SKAP1: variants seen among roughly 807,000 people sequenced by gnomAD.
SKAP1 encodes the protein src kinase-associated phosphoprotein 1.
Under a neutral mutation model 58.5 loss-of-function variants are expected in SKAP1, and 44 were observed. That is an observed-to-expected ratio of 0.75 (90% CI 0.59 to 0.97). The LOEUF is 0.97. Ranked by LOEUF, SKAP1 falls within the 50% of genes least tolerant of loss-of-function variation. The pLI is 0.00. For missense variants in SKAP1, 390 were observed against 435.2 expected (o/e 0.90, Z 0.92); for synonymous variants, 127 against 149.7 (o/e 0.85, Z 1.11).
At chr17:48,364,599 C>A (rs929704799) in intron 2 of SKAP1, among the ~76,000 whole-genome samples, 5 of 152,114 alleles carry the variant, frequency 3.3e-5, no homozygotes, top group African/African-American at 1.2e-4. Context: ...CGCTTGAACC[C>A]AGGAGGCGGA....
At chr17:48,212,614 G>T (rs745422208) in intron 4 of SKAP1, among the ~76,000 whole-genome samples, 1 of 152,186 alleles carries the variant, frequency 6.6e-6, no homozygotes, top group African/African-American at 2.4e-5. Context: ...AAGTGCTTGA[G>T]GGTTACAGAT....
chr17:48,249,504 C>A (rs1194042460), intron 4 of SKAP1, among the ~76,000 whole-genome samples: 1 of 152,086 alleles, frequency 6.6e-6, no homozygotes, highest in Admixed American at 6.6e-5. Context: ...GAAACCCTGT[C>A]TCTACCAAAA....
At chr17:48,228,347 A>G (rs567669306) in intron 4 of SKAP1, among the ~76,000 whole-genome samples, 1 of 152,002 alleles carries the variant, frequency 6.6e-6, no homozygotes, top group Admixed American at 6.6e-5. Context: ...TTGTTAATAA[A>G]CCTCCCATAG....
chr17:48,298,927 A>C (rs2066020279), intron 4 of SKAP1, among the ~76,000 whole-genome samples: 1 of 152,212 alleles, frequency 6.6e-6, no homozygotes, highest in Non-Finnish European at 1.5e-5. Context: ...ATCTGATAAA[A>C]ATGTTTAATA....
intron 4 of SKAP1, among the ~76,000 whole-genome samples, chr17:48,290,647 C>T (rs1240977885): frequency 1.4e-5 from 1 of 69,776 alleles, no homozygotes; most frequent in African/African-American, 8.5e-5. Flanking sequence ...TCATTTATTG[C>T]CCCCTGAGGA....
At chr17:48,277,839 C>G (rs1343534754) in intron 4 of SKAP1, among the ~76,000 whole-genome samples, 3 of 152,058 alleles carry the variant, frequency 2.0e-5, no homozygotes, top group Non-Finnish European at 2.9e-5. Flanking sequence ...TGATCCTCCC[C>G]TCACCTCGGC....
chr17:48,409,686 A>G (rs62065792), intron 1 of SKAP1, among the ~76,000 whole-genome samples: 1 of 146,384 alleles, frequency 6.8e-6, no homozygotes, highest in Admixed American at 6.9e-5. Context: ...AAAAAAAAAA[A>G]GGAATGAACT....
chr17:48,211,729 T>C (rs1407866254), intron 4 of SKAP1, among the ~76,000 whole-genome samples: 4 of 152,200 alleles, frequency 2.6e-5, no homozygotes, highest in African/African-American at 9.7e-5. Context: ...CTCTATGGTG[T>C]TGGTAGTTTG....
At chr17:48,149,328 G>A (rs151092580) in intron 11 of SKAP1, among the ~76,000 whole-genome samples, 207 of 152,294 alleles carry the variant, frequency 1.4e-3, no homozygotes, top group African/African-American at 4.6e-3. Flanking sequence ...TTTGGGTCTA[G>A]CTGGGGTGGG....
intron 3 of SKAP1, among the ~76,000 whole-genome samples, chr17:48,352,313 C>T (rs1297487980): frequency 6.6e-6 from 1 of 152,172 alleles, no homozygotes. Context: ...TAACACATTC[C>T]ATCTACCACT....
At chr17:48,367,290 T>C (rs1598619085) in intron 2 of SKAP1, among the ~76,000 whole-genome samples, 1 of 152,078 alleles carries the variant, frequency 6.6e-6, no homozygotes, top group South Asian at 2.1e-4. Context: ...GGTAATACTA[T>C]AATTAAGTAT....
chr17:48,305,762 T>C (rs1711984927), intron 4 of SKAP1, among the ~76,000 whole-genome samples: 3 of 152,238 alleles, frequency 2.0e-5, no homozygotes, highest in Admixed American at 2.0e-4. Context: ...GAAGAAACTC[T>C]GGCCTACAGA....
chr17:48,427,773 C>A (rs1052706600), intron 1 of SKAP1, among the ~76,000 whole-genome samples: 1 of 151,714 alleles, frequency 6.6e-6, no homozygotes, highest in African/African-American at 2.4e-5. Context: ...AGTAGTAATT[C>A]ATTGTGGAAA....
At chr17:48,334,193 T>C (rs2066539228) in intron 4 of SKAP1, among the ~76,000 whole-genome samples, 2 of 151,970 alleles carry the variant, frequency 1.3e-5, no homozygotes, top group African/African-American at 4.8e-5. Context: ...ACAATTTCTA[T>C]ATTATACTGT....
chr17:48,182,522 T>C (rs1237922893), intron 7 of SKAP1, 65 bp from the exon 8 acceptor site: 10 of 1,155,624 alleles, frequency 8.7e-6, no homozygotes, highest in Admixed American at 3.8e-5. Flanking sequence ...TTGACAGGGA[T>C]GTCCAAGGGG....
intron 12 of SKAP1, among the ~76,000 whole-genome samples, chr17:48,136,761 G>A (rs1268976361): frequency 1.4e-5 from 2 of 143,818 alleles, no homozygotes; most frequent in Admixed American, 7.1e-5. Context: ...TGCAACCTCC[G>A]CTTCCCGGGT....
At chr17:48,162,366 G>T in intron 11 of SKAP1, 103 bp downstream of exon 11, 2 of 597,308 alleles carry the variant, frequency 3.3e-6, no homozygotes, top group South Asian at 2.8e-5. Flanking sequence ...TATTGTGAGG[G>T]AGCCATGGGA....
chr17:48,225,780 G>A (rs1465677055), intron 4 of SKAP1, among the ~76,000 whole-genome samples: 1 of 152,118 alleles, frequency 6.6e-6, no homozygotes, highest in Non-Finnish European at 1.5e-5. Flanking sequence ...GGAGAGGGTA[G>A]GAGATGCATA....
chr17:48,404,796 T>C lies in SKAP1; in HGVS notation c.47-8011A>G, dbSNP rs530543882. ...CTTCTGTATTAAAAGCAAAAATTTT[T>C]GTACTGTATCAAAAAATTACACAAG... On this transcript the variant is annotated intron_variant, in intron 1 of 12. Transcript: ENST00000336915. Among the ~76,000 whole-genome samples the C allele has an allele frequency of 2.6e-5, 4 of 152,166 alleles. No individual in the cohort carries two copies. The South Asian group carries it at 6.2e-4, about 24-fold the overall frequency.
Sources: gnomAD v4.1 joint callset for allele counts (sites outside exome capture counted in the v4.1 genomes callset) on GRCh38, gnomAD v4.1.1 for gene constraint, MANE v1.5 for transcripts, NCBI Gene and HGNC (gene_info 2026-07-23, HGNC 2026-07-21) for gene names.